CDIN1: variants seen among roughly 807,000 people sequenced by gnomAD.
CDIN1 encodes CDAN1-interacting nuclease 1.
CDIN1 carries 33 observed loss-of-function variants against 45.3 expected under a neutral mutation model. The ratio of observed to expected loss-of-function variants is 0.73; its 90% CI spans 0.55 to 0.97. The LOEUF is 0.97. CDIN1 is among the 50% of genes least tolerant of loss of function. The probability of loss-of-function intolerance (pLI) is 0.00; values close to 1 mark genes in which losing one functional copy is unlikely to be tolerated. For missense variants in CDIN1, 303 were observed against 339.4 expected (o/e 0.89, Z 0.84); for synonymous variants, 118 against 124.4 (o/e 0.95, Z 0.34).
At chr15:36,769,041 A>G (rs532583952) in intron 10 of CDIN1, among the ~76,000 whole-genome samples, 1 of 152,284 alleles carries the variant, frequency 6.6e-6, no homozygotes, top group East Asian at 1.9e-4. Flanking sequence ...ATTCAAGTGC[A>G]GAGTTAAGAA....
Position 36,762,003 on chromosome 15 carries a change from C to T in CDIN1, c.717-46321C>T, listed in dbSNP as rs565010798. On this transcript the variant is annotated intron_variant, in intron 10 of 10. Coordinates refer to ENST00000566621, the MANE Select transcript of CDIN1 (RefSeq NM_001321759.2). ...AAACGGTGTTAAGCTCACAGGCTGG[C>T]CCCGGAAGTCTATTGCAGGCAGAAT... 2.0e-5 allele frequency among the ~76,000 whole-genome samples: 3 copies of T among 152,196 alleles called. No individual in the cohort carries two copies. The South Asian group carries it at 6.2e-4, about 32-fold the overall frequency.
chr15:36,733,869 G>A (rs1780715446), intron 10 of CDIN1, among the ~76,000 whole-genome samples: 1 of 152,070 alleles, frequency 6.6e-6, no homozygotes, highest in Admixed American at 6.6e-5. Context: ...AAAATGCAAG[G>A]TACTTTGTAG....
Position 36,808,779 on chromosome 15 carries a change from G to C in CDIN1, c.*326G>C. 6.6e-6 allele frequency: 3 copies of C among 455,660 alleles called. No homozygotes were observed. The highest frequency in any genetic ancestry group is 1.3e-5 in the Non-Finnish European group (3 of 232,088). 28.2% of individuals were successfully genotyped at this position (455,660 alleles called of 1,614,324 possible). A position where few individuals can be genotyped will look rare whatever the true frequency, so the allele number is the denominator to read the frequency against. Reference sequence around the variant, plus strand: ...TTGTATGCTGAACAAAAGAAAAAATGTGAAGACTGAAAGGTGTGATTTTTC... The same window carrying C: ...TTGTATGCTGAACAAAAGAAAAAATCTGAAGACTGAAAGGTGTGATTTTTC... On this transcript the variant is annotated 3_prime_UTR_variant, in exon 11 of 11. Transcript: ENST00000566621.
At chr15:36,759,723 C>T (rs1264827599) in intron 10 of CDIN1, among the ~76,000 whole-genome samples, 2 of 152,096 alleles carry the variant, frequency 1.3e-5, no homozygotes, top group African/African-American at 2.4e-5. Flanking sequence ...ACAGGTTATA[C>T]AGAAGGCATG....
intron 3 of CDIN1, among the ~76,000 whole-genome samples, chr15:36,649,433 G>C (rs1000506589): frequency 2.6e-5 from 4 of 152,148 alleles, no homozygotes; most frequent in Admixed American, 2.6e-4. Context: ...TTATACAGAA[G>C]CTATATGTCA....
intron 1 of CDIN1, among the ~76,000 whole-genome samples, chr15:36,612,026 G>A (rs911291424): frequency 4.6e-5 from 7 of 152,220 alleles, no homozygotes; most frequent in African/African-American, 1.7e-4. Flanking sequence ...CTGTTCCCAT[G>A]ATAGAAAATG....
chr15:36,616,946 A>G, intron 1 of CDIN1: 1 of 410,886 alleles, frequency 2.4e-6, no homozygotes, highest in Non-Finnish European at 4.3e-6. Flanking sequence ...TATATATATA[A>G]TGCAAATAAA....
At chr15:36,599,199 C>G (rs910364692) in intron 1 of CDIN1, among the ~76,000 whole-genome samples, 1 of 151,714 alleles carries the variant, frequency 6.6e-6, no homozygotes, top group African/African-American at 2.4e-5. Flanking sequence ...TACTTAAGCT[C>G]CCACTCTCTG....
chr15:36,728,510 C>T (rs1462807900), intron 10 of CDIN1, among the ~76,000 whole-genome samples: 1 of 150,578 alleles, frequency 6.6e-6, no homozygotes, highest in Admixed American at 6.6e-5. Flanking sequence ...GAAGTGCTAT[C>T]GATAGCTCCA....
chr15:36,745,948 A>C (rs1454497740), intron 10 of CDIN1, among the ~76,000 whole-genome samples: 1 of 152,186 alleles, frequency 6.6e-6, no homozygotes, highest in Non-Finnish European at 1.5e-5. Context: ...CCTGGGCGAC[A>C]GAGTGAGACG....
intron 7 of CDIN1, chr15:36,696,336 A>G (rs1595484116): frequency 1.3e-5 from 2 of 152,350 alleles, no homozygotes; most frequent in African/African-American, 4.8e-5. Context: ...CCTGCAGATT[A>G]CATATATTCT....
chr15:36,808,584 C>A lies in CDIN1; in HGVS notation c.*131C>A. On this transcript the variant is annotated 3_prime_UTR_variant, in exon 11 of 11. Coordinates refer to ENST00000566621, the MANE Select transcript of CDIN1 (RefSeq NM_001321759.2). ...GAACTCTTGCTGCCCGTAGTCACAC[C>A]ACTACCTCTTTAGACAAACATATCA... is the stretch of plus-strand genomic sequence containing the variant. The A allele has an allele frequency of 8.3e-7, 1 of 1,206,640 alleles. No homozygotes were observed. Among genetic ancestry groups the A allele is most frequent in the Non-Finnish European group, 1.2e-6 (1 of 867,048 alleles). 74.7% of individuals were successfully genotyped at this position (1,206,640 alleles called of 1,614,324 possible).
chr15:36,725,893 G>A (rs1274410478), intron 10 of CDIN1, among the ~76,000 whole-genome samples: 1 of 152,100 alleles, frequency 6.6e-6, no homozygotes, highest in Non-Finnish European at 1.5e-5. Context: ...AGCTATTCAG[G>A]AAGATTTTCA....
At chr15:36,801,829 A>G (rs1487300033) in intron 10 of CDIN1, among the ~76,000 whole-genome samples, 3 of 152,188 alleles carry the variant, frequency 2.0e-5, no homozygotes, top group African/African-American at 7.2e-5. Context: ...TGCCAGAATT[A>G]TGGGTTGCTT....
At chr15:36,782,057 A>G (rs1461607321) in intron 10 of CDIN1, among the ~76,000 whole-genome samples, 1 of 152,230 alleles carries the variant, frequency 6.6e-6, no homozygotes, top group Non-Finnish European at 1.5e-5. Context: ...CATGGATTGT[A>G]AACAGACTAA....
chr15:36,640,731 A>C (rs1208436546), intron 1 of CDIN1: 1 of 739,846 alleles, frequency 1.4e-6, no homozygotes, highest in African/African-American at 1.9e-5. Flanking sequence ...CATTGCAATT[A>C]AGTCTGTGCT....
intron 1 of CDIN1, among the ~76,000 whole-genome samples, chr15:36,596,226 A>C (rs1228880082): frequency 1.3e-5 from 2 of 151,664 alleles, no homozygotes; most frequent in Non-Finnish European, 2.9e-5. Context: ...TTAAATTTTT[A>C]GCCCCTAATT....
intron 8 of CDIN1, chr15:36,708,011 C>T (rs2042931180): frequency 6.6e-6 from 1 of 152,088 alleles, no homozygotes; most frequent in African/African-American, 2.4e-5. Flanking sequence ...TGACTTTTAA[C>T]AAAATTTAAC....
intron 10 of CDIN1, among the ~76,000 whole-genome samples, chr15:36,771,978 C>T (rs1000482634): frequency 6.6e-5 from 10 of 151,178 alleles, no homozygotes; most frequent in Admixed American, 1.3e-4. Context: ...CTCACAGCAA[C>T]TGACTGAATT....
Sources: gnomAD v4.1 joint callset for allele counts (sites outside exome capture counted in the v4.1 genomes callset) on GRCh38, gnomAD v4.1.1 for gene constraint, MANE v1.5 for transcripts, NCBI Gene and HGNC (gene_info 2026-07-23, HGNC 2026-07-21) for gene names.